ABCA7: variants seen among roughly 807,000 people sequenced by gnomAD.
ABCA7 encodes phospholipid-transporting ATPase ABCA7.
ABCA7 carries 261 observed loss-of-function variants against 227.6 expected under a neutral mutation model. The ratio of observed to expected loss-of-function variants is 1.15; its 90% confidence interval spans 1.04 to 1.27. ABCA7 has a LOEUF of 1.27. Ranked by LOEUF, ABCA7 falls within the 50% of genes most tolerant of loss-of-function variation. The probability of loss-of-function intolerance (pLI) is 0.00; values close to 1 mark genes in which losing one functional copy is unlikely to be tolerated. For missense variants in ABCA7, 3,331 were observed against 2,924.5 expected (o/e 1.14, Z -3.21); for synonymous variants, 1,488 against 1,279.7 (o/e 1.16, Z -3.47).
rs778807339 is a variant in ABCA7, at chr19:1,056,388, A to G, written c.4475A>G (p.Asn1492Ser). ...SMVAFVNRAS[N>S]AILRAHLPPG... ...GTGGCCTTTGTCAACCGAGCCAGCA[A>G]CGCAATCCTCCGTGCTCACCTGCCC... The change falls in exon 33 of 47, where the codon AAC becomes AGC. Residue 1492 changes from asparagine (N) to serine (S), a missense_variant. Physicochemically the swap from Asn to Ser is conservative, Grantham distance 46. Transcript: ENST00000263094. The surrounding 1 kb of genome is among the most constrained non-coding windows in gnomAD (Gnocchi z 4.3). The G allele has an allele frequency of 2.5e-6, 4 of 1,613,522 alleles. No individual in the cohort carries two copies. Among genetic ancestry groups the G allele is most frequent in the Non-Finnish European group, 3.4e-6 (4 of 1,179,956 alleles).
At position 1,056,379 on chromosome 19, in the gene ABCA7, G is replaced by A. The variant is rs151112873; in HGVS notation, c.4466G>A (p.Arg1489Gln). 1.5e-4 allele frequency: 238 copies of A among 1,613,308 alleles called. No homozygotes were observed. Among genetic ancestry groups the A allele is most frequent in the Non-Finnish European group, 1.8e-4 (217 of 1,179,974 alleles). The change falls in exon 33 of 47, where the codon CGA (arginine) becomes CAA (glutamine). Residue 1489 changes from arginine to glutamine, a missense_variant. Arg to Gln is a conservative substitution (Grantham distance 43). Transcript: ENST00000263094. The surrounding 1 kb of genome is among the most constrained non-coding windows in gnomAD (Gnocchi z 4.3). Reference sequence around the variant, plus strand: ...CACTCCATGGTGGCCTTTGTCAACCGAGCCAGCAACGCAATCCTCCGTGCT... The same window carrying A: ...CACTCCATGGTGGCCTTTGTCAACCAAGCCAGCAACGCAATCCTCCGTGCT... Reference protein sequence around the residue: ...GWHSMVAFVNRASNAILRAHL... With the variant: ...GWHSMVAFVNQASNAILRAHL...
At chr19:1,058,373 C>A (rs1030896829) in intron 37 of ABCA7, 104 bp downstream of exon 37, 1 of 1,508,372 alleles carries the variant, frequency 6.6e-7, no homozygotes, top group African/African-American at 1.4e-5. Flanking sequence ...CCCAGGGAGA[C>A]AGCCAGGGTT....
At chr19:1,049,136 G>A in intron 17 of ABCA7, 130 bp from the exon 18 acceptor site, 1 of 1,148,434 alleles carries the variant, frequency 8.7e-7, no homozygotes, top group Non-Finnish European at 1.2e-6. Context: ...AGACACTGCG[G>A]TCCCCAAGCT....
In ABCA7 at chr19:1,041,973, G is replaced by T; in HGVS notation, c.302+1G>T. The T allele has an allele frequency of 6.3e-7, 1 of 1,583,100 alleles. No homozygotes were observed. Among genetic ancestry groups the T allele is most frequent in the East Asian group, 2.2e-5 (1 of 44,634 alleles). On this transcript the variant is annotated splice_donor_variant, in intron 4 of 46. Transcript: ENST00000263094. LOFTEE classifies it high-confidence loss of function. ...GCCTGAGCAACTTCAACGACTCCCT[G>T]TGAGCCAGAGGCAGTGGGTGCGGCC...
rs1302440752 is a variant in ABCA7, at chr19:1,052,223, G to A, written c.3157G>A (p.Asp1053Asn). 6.3e-7 allele frequency: 1 copy of A among 1,580,298 alleles called. No homozygotes were observed. The highest frequency in any genetic ancestry group is 1.1e-5 in the South Asian group (1 of 87,494). Residue 1053 changes from aspartate (D) to asparagine (N), a missense_variant, in exon 23 of 47, where the codon GAC becomes AAC. Physicochemically the swap from Asp to Asn is conservative, Grantham distance 23. Coordinates refer to ENST00000263094, the MANE Select transcript of ABCA7 (RefSeq NM_019112.4). ...PLTTNEKADT[D>N]MEGSVDTRQE... is the part of the protein sequence containing the mutation. ...GCCTCTCTGCCCGCAGGCTGACACTGACATGGAGGGCAGTGTGGACACCAG... is the reference window on the plus strand; with the variant it reads ...GCCTCTCTGCCCGCAGGCTGACACTAACATGGAGGGCAGTGTGGACACCAG...
Position 1,045,144 on chromosome 19 carries a change from C to A in ABCA7, c.1358C>A (p.Pro453Gln). 6.2e-7 allele frequency: 1 copy of A among 1,612,876 alleles called. No homozygotes were observed. The highest frequency in any genetic ancestry group is 1.1e-5 in the South Asian group (1 of 91,074). ...GACTCTTCAGACCCCACAGAGCACCCAACCCCAGACCTGGGCCCCGGCCAC... is the reference window on the plus strand; with the variant it reads ...GACTCTTCAGACCCCACAGAGCACCAAACCCCAGACCTGGGCCCCGGCCAC... ...PEDSSDPTEH[P>Q]TPDLGPGHVR... The change falls in exon 12 of 47, where the codon CCA becomes CAA. Residue 453 changes from proline to glutamine, a missense_variant. Physicochemically the swap from Pro to Gln is moderately conservative, Grantham distance 76 (BLOSUM62 -1). Transcript: ENST00000263094.
chr19:1,062,253 C>T lies in ABCA7; in HGVS notation c.5652C>T (p.Gly1884=). 2 of 1,611,640 alleles carry T rather than the reference C, an allele frequency of 1.2e-6. No homozygotes were observed. Among genetic ancestry groups the T allele is most frequent in the Non-Finnish European group, 8.5e-7 (1 of 1,179,794 alleles). ...ATGCCATCTTTGAGCTGCTGACGGG[C>T]CGCGAGCACCTGGAGCTGCTTGCGC... ...QSDAIFELLT[G]REHLELLARL... The change falls in exon 42 of 47, where the codon GGC becomes GGT. Residue 1884 remains glycine (G), a synonymous_variant. Transcript: ENST00000263094.
intron 40 of ABCA7, among the ~76,000 whole-genome samples, chr19:1,061,532 TA>T (rs58763841): frequency 7.6e-4 from 112 of 148,308 alleles, no homozygotes; most frequent in African/African-American, 2.6e-3. Flanking sequence ...CCATCTCTAC[TA>T]AAAAAAAATA....
rs779482206 is a variant in ABCA7 at position 1,054,208 on chromosome 19, A to T, written c.3593A>T (p.Glu1198Val). 1 of 1,609,192 alleles carries T rather than the reference A, an allele frequency of 6.2e-7. No individual in the cohort carries two copies. The highest frequency in any genetic ancestry group is 1.1e-5 in the South Asian group (1 of 90,882). ...ENGEPAGSAP[E>V]TDQGSGPDAV... ...TCCCTCACAGCTGGGTCAGCCCCAG[A>T]GACTGACCAGGGCTCTGGGCCAGAC... Residue 1198 changes from glutamate (E) to valine (V), a missense_variant, in exon 27 of 47, where the codon GAG becomes GTG. Transcript: ENST00000263094. This position sits in a 1 kb window ranked among gnomAD's most constrained non-coding sequence, Gnocchi z 4.8.
rs1396138179 is a variant in ABCA7 at position 1,056,888 on chromosome 19, C to T, written c.4587-19C>T. On this transcript the variant is annotated intron_variant, in intron 33 of 46. Transcript: ENST00000263094. This position sits in a 1 kb window ranked among gnomAD's most constrained non-coding sequence, Gnocchi z 4.3. The stretch of plus-strand genomic sequence containing the variant: ...CATGCACCCTCACCCTACAACAGCT[C>T]TCATGTCTTCACCTCCAGGATGGCC... The T allele has an allele frequency of 1.2e-6, 2 of 1,609,288 alleles. No homozygotes were observed. The highest frequency in any genetic ancestry group is 1.7e-6 in the Non-Finnish European group (2 of 1,176,900).
intron 10 of ABCA7, 121 bp from the exon 11 acceptor site, chr19:1,044,456 C>G (rs1300244822): frequency 8.4e-7 from 1 of 1,187,324 alleles, no homozygotes; most frequent in Non-Finnish European, 1.2e-6. Context: ...CCATGTTGGC[C>G]AGGCTGGTCT....
rs201719830 is a variant in ABCA7, at chr19:1,046,754, G to A, written c.1623-48G>A. On this transcript the variant is annotated intron_variant, in intron 13 of 46. Transcript: ENST00000263094. The stretch of plus-strand genomic sequence containing the variant: ...TCGTGCCAGATGGTGGGCGGAGGGG[G>A]GGTCTGCGGAGGGTCTCCAGCCTCC... 3.1e-5 allele frequency: 47 copies of A among 1,505,394 alleles called. 1 individual carries two copies. The Middle Eastern group carries it at 1.5e-3, about 48-fold the overall frequency. 93.3% of individuals were successfully genotyped at this position (1,505,394 alleles called of 1,614,324 possible).
In ABCA7 at chr19:1,051,051, A is replaced by T. The variant is rs886832118; in HGVS notation, c.2683A>T (p.Met895Leu). Residue 895 changes from methionine to leucine, a missense_variant and splice_region_variant, in exon 19 of 47, where the codon ATG (methionine) becomes TTG (leucine). Coordinates refer to ENST00000263094, the MANE Select transcript of ABCA7 (RefSeq NM_019112.4). ...VCPQYNVLFD[M>L]LTVDEHVWFY... Reference sequence around the variant, plus strand: ...TCCTCAGTACAACGTGCTGTTTGACATGTGCGTCTCGGCAGGCCCAGAGTG... The same window carrying T: ...TCCTCAGTACAACGTGCTGTTTGACTTGTGCGTCTCGGCAGGCCCAGAGTG... 6.2e-7 allele frequency: 1 copy of T among 1,611,134 alleles called. No individual in the cohort carries two copies. Among genetic ancestry groups the T allele is most frequent in the African/African-American group, 1.3e-5 (1 of 74,870 alleles).
At position 1,041,909 on chromosome 19, in the gene ABCA7, C is replaced by G; in HGVS notation, c.239C>G (p.Thr80Ser). ...LQGLICNVNN[T>S]CFPQLTPGEE... ...GGTCTCATCTGTAATGTGAACAACA[C>G]CTGCTTTCCGCAGCTGACACCGGGC... is the stretch of plus-strand genomic sequence containing the variant. The change falls in exon 4 of 47, where the codon ACC (threonine) becomes AGC (serine). Residue 80 changes from threonine to serine, a missense_variant. Physicochemically the swap from Thr to Ser is moderately conservative, Grantham distance 58. Coordinates refer to ENST00000263094, the MANE Select transcript of ABCA7 (RefSeq NM_019112.4). The G allele has an allele frequency of 6.2e-7, 1 of 1,601,724 alleles. No homozygotes were observed. Among genetic ancestry groups the G allele is most frequent in the Non-Finnish European group, 8.5e-7 (1 of 1,178,764 alleles).
Position 1,055,561 on chromosome 19 carries a change from G to A in ABCA7, c.4205+210G>A, listed in dbSNP as rs541893623. On this transcript the variant is annotated intron_variant, in intron 30 of 46. Coordinates refer to ENST00000263094, the MANE Select transcript of ABCA7 (RefSeq NM_019112.4). ...TCTGTTGCCCAGGCTGGAGTGCAGA[G>A]GTGTGATCTCAGCTCATTGCAACCT... Among the ~76,000 whole-genome samples the A allele has an allele frequency of 3.4e-5, 5 of 147,724 alleles. 1 individual carries two copies. In the East Asian group the frequency reaches 9.9e-4, roughly 29 times the overall value.
Position 1,057,404 on chromosome 19 carries a change from C to A in ABCA7, c.4855C>A (p.Leu1619Ile). ...AYVAPANLPALLLLLLLYGWS... is the reference protein window; with the variant it reads ...AYVAPANLPAILLLLLLYGWS... ...TGTGGCCCCTGCCAACCTGCCTGCT[C>A]TCCTGCTGTTGCTACTACTGTATGG... Residue 1619 changes from leucine to isoleucine, a missense_variant, in exon 35 of 47, where the codon CTC (leucine) becomes ATC (isoleucine). Coordinates refer to ENST00000263094, the MANE Select transcript of ABCA7 (RefSeq NM_019112.4). 1 of 1,613,950 alleles carries A rather than the reference C, an allele frequency of 6.2e-7. No homozygotes were observed. Among genetic ancestry groups the A allele is most frequent in the Non-Finnish European group, 8.5e-7 (1 of 1,180,028 alleles).
In ABCA7 at chr19:1,059,025, A is replaced by G. The variant is rs766633017; in HGVS notation, c.5403A>G (p.Val1801=). 1.2e-6 allele frequency: 2 copies of G among 1,613,920 alleles called. No homozygotes were observed. Among genetic ancestry groups the G allele is most frequent in the South Asian group, 2.2e-5 (2 of 91,070 alleles). The change falls in exon 40 of 47, where the codon GTA becomes GTG. Residue 1801 remains valine (V), a splice_region_variant and synonymous_variant. Coordinates refer to ENST00000263094, the MANE Select transcript of ABCA7 (RefSeq NM_019112.4). ...CTGAAAGACCTGCACTCTCCCAGGT[A>G]TACCGTGGGCAGAGGATGCCAGCTG... The part of the protein sequence containing the change: ...DVLVLRNLTK[V]YRGQRMPAVD...
chr19:1,042,050 C>G lies in ABCA7; in HGVS notation c.303-14C>G, dbSNP rs777294102. 6.3e-7 allele frequency: 1 copy of G among 1,586,974 alleles called. No homozygotes were observed. Among genetic ancestry groups the G allele is most frequent in the East Asian group, 2.3e-5 (1 of 44,276 alleles). On this transcript the variant is annotated splice_polypyrimidine_tract_variant and intron_variant, in intron 4 of 46. Coordinates refer to ENST00000263094, the MANE Select transcript of ABCA7 (RefSeq NM_019112.4). ...CGGCCGGAACCCCGCCTCCTGCCCT[C>G]TCTCTGTCCCCAGGGTCTCCCGGCT...
At position 1,041,875 on chromosome 19, in the gene ABCA7, T is replaced by G. The variant is rs748203620; in HGVS notation, c.205T>G (p.Trp69Gly). 2 of 1,597,564 alleles carry G rather than the reference T, an allele frequency of 1.3e-6. No individual in the cohort carries two copies. Among genetic ancestry groups the G allele is most frequent in the South Asian group, 2.2e-5 (2 of 89,834 alleles). Residue 69 changes from tryptophan (W) to glycine (G), a missense_variant, in exon 4 of 47, where the codon TGG (tryptophan) becomes GGG (glycine). Coordinates refer to ENST00000263094, the MANE Select transcript of ABCA7 (RefSeq NM_019112.4). ...ACTGCCATCGGCGGGCACCGTGCCCTGGCTCCAGGGTCTCATCTGTAATGT... is the reference window on the plus strand; with the variant it reads ...ACTGCCATCGGCGGGCACCGTGCCCGGGCTCCAGGGTCTCATCTGTAATGT... ...KPLPSAGTVP[W>G]LQGLICNVNN...
Sources: allele counts gnomAD v4.1 joint callset (sites outside exome capture counted in the v4.1 genomes callset), GRCh38; gene constraint gnomAD v4.1.1; non-coding constraint Gnocchi (gnomAD v3.1); transcripts MANE v1.5; gene names NCBI Gene and HGNC (gene_info 2026-07-23, HGNC 2026-07-21).